Variants in MCTP2 observed in about 807,000 individuals in gnomAD.
The protein encoded by MCTP2 is multiple C2 and transmembrane domain containing 2.
In MCTP2, 132 loss-of-function variants were observed where a neutral mutation model predicts 111.6. The ratio of observed to expected loss-of-function variants is 1.18; its 90% CI spans 1.03 to 1.37. The LOEUF (loss-of-function observed/expected upper bound fraction) is 1.37. MCTP2 is among the 40% of genes most tolerant of loss of function. The pLI, the probability that MCTP2 is intolerant of heterozygous loss-of-function variation, is 0.00. For missense variants in MCTP2, 1,183 were observed against 1,067.9 expected (o/e 1.11, Z -1.50); for synonymous variants, 395 against 387.7 (o/e 1.02, Z -0.22).
intron 1 of MCTP2, among the ~76,000 whole-genome samples, chr15:94,244,273 CACAT>C (rs1416606071): frequency 2.1e-5 from 3 of 142,292 alleles, no homozygotes; most frequent in African/African-American, 8.1e-5. Context: ...TTTATATACA[CACAT>C]ATATACACAT....
intron 1 of MCTP2, among the ~76,000 whole-genome samples, chr15:94,287,469 A>G (rs925289810): frequency 1.3e-5 from 2 of 152,116 alleles, no homozygotes; most frequent in East Asian, 1.9e-4. Flanking sequence ...TTCTCTGGGC[A>G]TATCTTTTTG....
At chr15:94,269,506 T>G (rs1437139907) in intron 1 of MCTP2, among the ~76,000 whole-genome samples, 1 of 152,220 alleles carries the variant, frequency 6.6e-6, no homozygotes, top group African/African-American at 2.4e-5. Flanking sequence ...ATGAAGATTA[T>G]TGAAAACTGA....
At chr15:94,382,533 G>T in intron 12 of MCTP2, among the ~76,000 whole-genome samples, 1 of 152,360 alleles carries the variant, frequency 6.6e-6, no homozygotes, top group East Asian at 1.9e-4. Context: ...ACTATTCATC[G>T]CCCATGCGTC....
intron 1 of MCTP2, among the ~76,000 whole-genome samples, chr15:94,245,272 A>G (rs9796557): frequency 0.4 from 54,988 of 136,432 alleles, 11,157 homozygotes; most frequent in Non-Finnish European, 0.45. Flanking sequence ...ATATGTGTAT[A>G]TACGTATATA....
chr15:94,462,555 G>A (rs1422562404), intron 20 of MCTP2, among the ~76,000 whole-genome samples: 3 of 152,222 alleles, frequency 2.0e-5, no homozygotes, highest in East Asian at 3.8e-4. Flanking sequence ...TTAAGTGTTA[G>A]GGGTATTGCT....
chr15:94,370,653 A>C (rs1008727816), intron 12 of MCTP2, among the ~76,000 whole-genome samples: 1 of 152,104 alleles, frequency 6.6e-6, no homozygotes, highest in South Asian at 2.1e-4. Flanking sequence ...TGCAGTTGAC[A>C]TTGTCTTATA....
intron 17 of MCTP2, among the ~76,000 whole-genome samples, chr15:94,426,839 G>C (rs988726085): frequency 1.3e-5 from 2 of 152,142 alleles, no homozygotes; most frequent in Non-Finnish European, 2.9e-5. Context: ...AGATGGAGAT[G>C]ATCCAAGGTA....
intron 1 of MCTP2, among the ~76,000 whole-genome samples, chr15:94,287,463 C>G (rs2074814814): frequency 2.0e-5 from 3 of 152,130 alleles, no homozygotes; most frequent in African/African-American, 7.2e-5. Context: ...CTTATTTTCT[C>G]TGGGCATATC....
chr15:94,247,441 C>T (rs1443439015), intron 1 of MCTP2, among the ~76,000 whole-genome samples: 2 of 152,066 alleles, frequency 1.3e-5, no homozygotes, highest in Non-Finnish European at 2.9e-5. Flanking sequence ...GTTCTAGGAT[C>T]CTTCAATTCT....
At chr15:94,397,042 A>T (rs1299188835) in intron 14 of MCTP2, among the ~76,000 whole-genome samples, 1 of 152,206 alleles carries the variant, frequency 6.6e-6, no homozygotes, top group Non-Finnish European at 1.5e-5. Context: ...ATTTATGTTT[A>T]GGGGAAGGAA....
In MCTP2 at chr15:94,397,299, T is replaced by C. The variant is rs74940230; in HGVS notation, c.1789-1662T>C. Reference sequence around the variant, plus strand: ...ACCAAATTAAAAAATCCCTTTGCTATAAAATATTTCTCTTTATTCTGATAC... The same window carrying C: ...ACCAAATTAAAAAATCCCTTTGCTACAAAATATTTCTCTTTATTCTGATAC... On this transcript the variant is annotated intron_variant, in intron 14 of 22. Transcript: ENST00000357742. Among the ~76,000 whole-genome samples, 1,171 of 152,296 alleles carry C rather than the reference T, an allele frequency of 7.7e-3. 11 individuals are homozygous for C. The highest frequency in any genetic ancestry group is 0.012 in the Non-Finnish European group (834 of 68,018).
intron 20 of MCTP2, among the ~76,000 whole-genome samples, chr15:94,467,543 G>A (rs993780494): frequency 2.0e-5 from 3 of 152,154 alleles, no homozygotes; most frequent in Non-Finnish European, 4.4e-5. Flanking sequence ...GGGGTTGTGT[G>A]AGTGTTTTTA....
rs113303649 is a variant in MCTP2, at chr15:94,360,676, C to T, written c.1301+2064C>T. On this transcript the variant is annotated intron_variant, in intron 10 of 22. Transcript: ENST00000357742. ...CCTTCACATAATAGGAAACGCTTTT[C>T]CAAATGAGTGTTGGGTTGCTTCACA... Among the ~76,000 whole-genome samples, 521 of 152,150 alleles carry T rather than the reference C, an allele frequency of 3.4e-3. 2 individuals are homozygous for T. The highest frequency in any genetic ancestry group is 9.6e-3 in the African/African-American group (400 of 41,510).
chr15:94,258,631 G>A (rs975471098), intron 1 of MCTP2, among the ~76,000 whole-genome samples: 2 of 152,058 alleles, frequency 1.3e-5, no homozygotes, highest in African/African-American at 4.8e-5. Context: ...TTTAAATCAC[G>A]CTTGCCTTAA....
chr15:94,294,964 TTTTTTGA>T (rs1567343733), intron 1 of MCTP2, among the ~76,000 whole-genome samples: 1 of 84,188 alleles, frequency 1.2e-5, no homozygotes, highest in African/African-American at 4.7e-5. Context: ...TTTTTTTTTT[TTTTTTGA>T]GACAGTCTTA....
intron 1 of MCTP2, among the ~76,000 whole-genome samples, chr15:94,271,431 A>AT (rs2073900721): frequency 6.6e-6 from 1 of 152,150 alleles, no homozygotes; most frequent in Admixed American, 6.5e-5. Flanking sequence ...TTGGTTGCAA[A>AT]TCTCTAGAGG....
intron 1 of MCTP2, among the ~76,000 whole-genome samples, chr15:94,246,727 G>C (rs1039174343): frequency 1.3e-5 from 2 of 152,274 alleles, no homozygotes; most frequent in Admixed American, 6.5e-5. Context: ...TAGAAAACTA[G>C]GGAAAGTTCA....
At chr15:94,258,440 A>G (rs1358442284) in intron 1 of MCTP2, among the ~76,000 whole-genome samples, 1 of 152,178 alleles carries the variant, frequency 6.6e-6, no homozygotes, top group Non-Finnish European at 1.5e-5. Flanking sequence ...ACTTCTGAAA[A>G]TGCAAATTAT....
Position 94,358,463 on chromosome 15 carries a change from A to G in MCTP2, c.1171-19A>G, listed in dbSNP as rs773419627. ...ATGACATTTTAAGAAAATAAATATT[A>G]TAACTGCATGTTTTCTAGACACTGT... On this transcript the variant is annotated intron_variant, in intron 9 of 22. Transcript: ENST00000357742. 9 of 1,600,472 alleles carry G rather than the reference A, an allele frequency of 5.6e-6. No individual in the cohort carries two copies. The African/African-American group carries it at 6.7e-5, about 12-fold the overall frequency.
Sources: gnomAD v4.1 joint callset for allele counts (sites outside exome capture counted in the v4.1 genomes callset) on GRCh38, gnomAD v4.1.1 for gene constraint, MANE v1.5 for transcripts, NCBI Gene and HGNC (gene_info 2026-07-23, HGNC 2026-07-21) for gene names.